MAGEC3: variants seen among roughly 807,000 people sequenced by gnomAD.
MAGEC3 encodes the protein MAGE family member C3, also known as melanoma-associated antigen C3.
MAGEC3 carries 34 observed loss-of-function variants against 35.3 expected under a neutral mutation model. That is an observed-to-expected ratio of 0.96 (90% CI 0.73 to 1.28). The LOEUF is 1.28. MAGEC3 is among the 50% of genes most tolerant of loss of function. The pLI is 0.00. For missense variants in MAGEC3, 561 were observed against 483.6 expected, an observed-to-expected ratio of 1.16 and a Z score of -1.50; for synonymous variants, 202 against 185.6, an observed-to-expected ratio of 1.09 and a Z score of -0.72.
intron 4 of MAGEC3, among the ~76,000 whole-genome samples, chrX:141,891,505 G>C (rs1325029396): frequency 9.2e-6 from 1 of 108,502 alleles, no homozygotes; most frequent in East Asian, 2.9e-4. Context: ...ATATATTATT[G>C]TTGCAAAAAA....
At chrX:141,870,592 A>T (rs772545308) in intron 2 of MAGEC3, among the ~76,000 whole-genome samples, 3 of 111,970 alleles carry the variant, frequency 2.7e-5, no homozygotes, top group African/African-American at 9.7e-5. Context: ...CTTAAGAAAA[A>T]TGTGTATTTT....
At chrX:141,892,914 C>T (rs2018053380) in intron 4 of MAGEC3, among the ~76,000 whole-genome samples, 1 of 111,831 alleles carries the variant, frequency 8.9e-6, no homozygotes, top group South Asian at 3.7e-4. Context: ...GACAAGCCAG[C>T]GACTGGCATA....
intron 1 of MAGEC3, among the ~76,000 whole-genome samples, chrX:141,840,335 A>G (rs762893731): frequency 8.9e-6 from 1 of 112,347 alleles, no homozygotes; most frequent in Non-Finnish European, 1.9e-5. Flanking sequence ...AGAGAATATC[A>G]GGTCATAAAA....
intron 1 of MAGEC3, among the ~76,000 whole-genome samples, chrX:141,858,454 C>T (rs184454383): frequency 6.2e-4 from 69 of 111,429 alleles, no homozygotes; most frequent in African/African-American, 2.2e-3. Context: ...GTGCCTTTCT[C>T]ATATAATCAA....
At chrX:141,840,074 C>T (rs1318863412) in intron 1 of MAGEC3, 2 of 701,009 alleles carry the variant, frequency 2.9e-6, no homozygotes, top group Non-Finnish European at 3.4e-6. Context: ...GGAAATTCTT[C>T]CTGAAGGATT....
intron 4 of MAGEC3, among the ~76,000 whole-genome samples, chrX:141,885,645 C>T (rs2017997189): frequency 1.3e-5 from 1 of 74,292 alleles, no homozygotes; most frequent in Non-Finnish European, 2.3e-5. Context: ...GCCTGGGTGA[C>T]AGAGTGAGAC....
Position 141,864,069 on chromosome X carries a change from T to C in MAGEC3, c.124-1402T>C, listed in dbSNP as rs139830799. 5.2e-3 allele frequency among the ~76,000 whole-genome samples: 580 copies of C among 111,407 alleles called. 1 individual carries two copies. The highest frequency in any genetic ancestry group is 0.018 in the African/African-American group (550 of 30,660). On this transcript the variant is annotated intron_variant, in intron 1 of 7. Coordinates refer to ENST00000298296, the MANE Select transcript of MAGEC3 (RefSeq NM_138702.1). ...TCAATAGTTGATTCCTCCTTGTTGG[T>C]CTATAGAATTCCATTGTGTGGATGC...
intron 1 of MAGEC3, chrX:141,840,091 A>G (rs1474496627): frequency 1.6e-6 from 1 of 615,421 alleles, no homozygotes; most frequent in East Asian, 1.7e-4. Flanking sequence ...GATTTGTGTG[A>G]GGAGACCTAT....
At chrX:141,862,362 A>G (rs2017820467) in intron 1 of MAGEC3, among the ~76,000 whole-genome samples, 1 of 112,247 alleles carries the variant, frequency 8.9e-6, no homozygotes, top group Non-Finnish European at 1.9e-5. Flanking sequence ...AATGCAATGG[A>G]AAACAGTATT....
intron 4 of MAGEC3, among the ~76,000 whole-genome samples, chrX:141,891,669 A>AAATATGCATATATAAATATATATATT (rs2018042092): frequency 9.6e-6 from 1 of 103,866 alleles, no homozygotes; most frequent in Admixed American, 1.1e-4. Context: ...GTGTGTGTAT[A>AAATATGCATATATAAATATATATATT]TATATATGCA....
chrX:141,840,392 A>T (rs2017678850), intron 1 of MAGEC3, among the ~76,000 whole-genome samples: 1 of 112,404 alleles, frequency 8.9e-6, no homozygotes, highest in Non-Finnish European at 1.9e-5. Context: ...TTGACATAAA[A>T]GTGATTTAAG....
intron 3 of MAGEC3, 43 bp from the exon 4 acceptor site, chrX:141,881,360 A>G (rs2017962563): frequency 1.7e-6 from 2 of 1,156,057 alleles, no homozygotes; most frequent in Admixed American, 5.4e-5. Flanking sequence ...TTCAATGAAG[A>G]GCCTAGCAGC....
At chrX:141,883,302 T>C (rs201218531) in intron 4 of MAGEC3, among the ~76,000 whole-genome samples, 1 of 112,452 alleles carries the variant, frequency 8.9e-6, no homozygotes, top group East Asian at 2.8e-4. Flanking sequence ...TTAAATGTAA[T>C]GTGGGCAACT....
intron 2 of MAGEC3, among the ~76,000 whole-genome samples, chrX:141,867,290 G>A (rs1044013804): frequency 1.8e-5 from 2 of 112,011 alleles, no homozygotes; most frequent in African/African-American, 6.5e-5. Context: ...CCTTCATACA[G>A]TGGGCCCCAG....
chrX:141,884,615 G>C (rs2017989070), intron 4 of MAGEC3, among the ~76,000 whole-genome samples: 1 of 111,474 alleles, frequency 9.0e-6, no homozygotes, highest in African/African-American at 3.3e-5. Context: ...GGAGTTGGAT[G>C]CTTAATGTGA....
At chrX:141,843,361 G>A (rs186899852) in intron 1 of MAGEC3, among the ~76,000 whole-genome samples, 39 of 111,203 alleles carry the variant, frequency 3.5e-4, no homozygotes, top group Admixed American at 2.6e-3. Context: ...TTGTCTCTGC[G>A]CACAAGAATG....
intron 2 of MAGEC3, among the ~76,000 whole-genome samples, chrX:141,872,544 G>C (rs1032074423): frequency 4.5e-5 from 5 of 111,534 alleles, no homozygotes; most frequent in African/African-American, 1.6e-4. Flanking sequence ...GGACCAGGAT[G>C]GCAGGCCAGA....
chrX:141,891,928 C>T (rs1427558106), intron 4 of MAGEC3, among the ~76,000 whole-genome samples: 1 of 109,518 alleles, frequency 9.1e-6, no homozygotes, highest in East Asian at 2.9e-4. Context: ...GTTATTAATG[C>T]TGGCCCTAAT....
In MAGEC3 at chrX:141,879,119, G is replaced by A; in HGVS notation, c.259-56G>A. 8 of 1,121,941 alleles carry A rather than the reference G, an allele frequency of 7.1e-6. No individual in the cohort carries two copies. In the South Asian group the frequency reaches 1.6e-4, roughly 22 times the overall value. The allele number at this position is 1,121,941 out of a possible 1,213,427, so 92.5% of individuals were successfully genotyped here. On this transcript the variant is annotated intron_variant, in intron 2 of 7. Coordinates refer to ENST00000298296, the MANE Select transcript of MAGEC3 (RefSeq NM_138702.1). ...CAGGCACAGCCTCTCGGGAAGGCAGGAAGGGAACACCCATGACTGGTAGTG... is the reference window on the plus strand; with the variant it reads ...CAGGCACAGCCTCTCGGGAAGGCAGAAAGGGAACACCCATGACTGGTAGTG...
Sources: allele counts gnomAD v4.1 joint callset (sites outside exome capture counted in the v4.1 genomes callset), GRCh38; gene constraint gnomAD v4.1.1; transcripts MANE v1.5; gene names NCBI Gene and HGNC (gene_info 2026-07-23, HGNC 2026-07-21).